Variants in RNF220 observed in about 807,000 individuals in gnomAD.
RNF220 encodes E3 ubiquitin-protein ligase RNF220.
In RNF220, 7 loss-of-function variants were observed where a neutral mutation model predicts 67.1. The observed-to-expected ratio is 0.10, with a 90% CI of 0.06 to 0.20. The LOEUF (loss-of-function observed/expected upper bound fraction) is 0.20. RNF220 is among the 10% of genes least tolerant of loss of function. RNF220 has a pLI of 1.00. For missense variants in RNF220, 565 were observed against 740.3 expected (o/e 0.76, Z 2.75); for synonymous variants, 270 against 283.2 (o/e 0.95, Z 0.47).
chr1:44,474,300 G>A lies in RNF220; in HGVS notation c.625+61578G>A, dbSNP rs376956806. On this transcript the variant is annotated intron_variant, in intron 2 of 14. Transcript: ENST00000361799. ...TGAGGCAGGAGAATCGCTTGAACCC[G>A]GCAGGCGGAGGTTGCAGTAAGCCGA... Among the ~76,000 whole-genome samples, 237 of 151,138 alleles carry A rather than the reference G, an allele frequency of 1.6e-3. 2 individuals are homozygous for A. The highest frequency in any genetic ancestry group is 0.012 in the South Asian group (56 of 4,776).
intron 2 of RNF220, among the ~76,000 whole-genome samples, chr1:44,557,346 T>G (rs1455198740): frequency 6.9e-6 from 1 of 144,286 alleles, no homozygotes; most frequent in African/African-American, 2.6e-5. Context: ...GGCAACATAG[T>G]GAGACCCTGT....
chr1:44,487,950 G>C (rs1430800930), intron 2 of RNF220, among the ~76,000 whole-genome samples: 2 of 139,252 alleles, frequency 1.4e-5, no homozygotes, highest in African/African-American at 5.1e-5. Flanking sequence ...GAGTATCTTA[G>C]AGTGGTAGCC....
At chr1:44,481,729 A>G (rs1464718474) in intron 2 of RNF220, among the ~76,000 whole-genome samples, 1 of 152,196 alleles carries the variant, frequency 6.6e-6, no homozygotes, top group East Asian at 1.9e-4. Flanking sequence ...AGTGGAGAGG[A>G]TGTGGAATCA....
intron 2 of RNF220, among the ~76,000 whole-genome samples, chr1:44,581,896 C>G (rs893883001): frequency 6.6e-6 from 1 of 152,172 alleles, no homozygotes; most frequent in East Asian, 1.9e-4. Context: ...GCCCACTAGC[C>G]AGGTCAATGG....
intron 3 of RNF220, among the ~76,000 whole-genome samples, chr1:44,618,951 A>T (rs1014464143): frequency 7.2e-5 from 11 of 152,118 alleles, no homozygotes; most frequent in Non-Finnish European, 1.5e-4. Context: ...GTGGCAGAGA[A>T]GCAAGTGTCT....
intron 2 of RNF220, among the ~76,000 whole-genome samples, chr1:44,484,432 G>A (rs1176222350): frequency 6.6e-6 from 1 of 152,132 alleles, no homozygotes; most frequent in Admixed American, 6.5e-5. Flanking sequence ...GCAAACTGCC[G>A]CACAGTGGGT....
chr1:44,487,024 A>G (rs1368476328), intron 2 of RNF220, among the ~76,000 whole-genome samples: 1 of 152,214 alleles, frequency 6.6e-6, no homozygotes, highest in East Asian at 1.9e-4. Flanking sequence ...GTTGTGTGTT[A>G]GAATTAGAAG....
chr1:44,584,565 A>G (rs183238270), intron 2 of RNF220, among the ~76,000 whole-genome samples: 1 of 152,302 alleles, frequency 6.6e-6, no homozygotes, highest in East Asian at 1.9e-4. Flanking sequence ...GATGGTGGGG[A>G]AACCCTAGCT....
chr1:44,636,213 TG>T, intron 8 of RNF220, 51 bp downstream of exon 8: 1 of 1,568,702 alleles, frequency 6.4e-7, no homozygotes, highest in East Asian at 2.3e-5. Flanking sequence ...AGGCCTCTGC[TG>T]GGTATCCATC....
chr1:44,507,337 G>A (rs1254298668), intron 2 of RNF220, among the ~76,000 whole-genome samples: 1 of 152,162 alleles, frequency 6.6e-6, no homozygotes, highest in East Asian at 1.9e-4. Flanking sequence ...ACAGGAGGCT[G>A]AGAGGATTTG....
intron 2 of RNF220, among the ~76,000 whole-genome samples, chr1:44,557,743 T>C (rs270765): frequency 0.089 from 13,563 of 152,264 alleles, 824 homozygotes; most frequent in East Asian, 0.26. Flanking sequence ...TCATCCCAAA[T>C]GTGTTCGAGT....
intron 2 of RNF220, among the ~76,000 whole-genome samples, chr1:44,557,564 C>G (rs868456736): frequency 7.4e-6 from 1 of 136,014 alleles, no homozygotes; most frequent in Non-Finnish European, 1.6e-5. Flanking sequence ...CATATTCACT[C>G]GTTCATTCAT....
intron 2 of RNF220, among the ~76,000 whole-genome samples, chr1:44,607,134 A>T (rs1667322818): frequency 6.6e-6 from 1 of 152,206 alleles, no homozygotes; most frequent in Admixed American, 6.5e-5. Flanking sequence ...TCGTCATGCT[A>T]GAGCAAGCCG....
At chr1:44,548,844 A>G (rs1558033092) in intron 2 of RNF220, among the ~76,000 whole-genome samples, 2 of 152,094 alleles carry the variant, frequency 1.3e-5, no homozygotes, top group South Asian at 4.1e-4. Flanking sequence ...CCCTCCAAAC[A>G]TAAGTGGAAA....
rs575342330 is a variant in RNF220, at chr1:44,525,818, C to T, written c.626-88347C>T. ...AGCAGATTCCATGGAAACACAGCCC[C>T]GCCCTCAGTCTGACCATCTCCCACA... On this transcript the variant is annotated intron_variant, in intron 2 of 14. Transcript: ENST00000361799. Among the ~76,000 whole-genome samples the T allele has an allele frequency of 3.3e-5, 5 of 152,274 alleles. No individual in the cohort carries two copies. The South Asian group carries it at 8.3e-4, about 25-fold the overall frequency.
intron 2 of RNF220, among the ~76,000 whole-genome samples, chr1:44,481,652 CTTTGG>C (rs1655824490): frequency 6.6e-6 from 1 of 151,988 alleles, no homozygotes; most frequent in Non-Finnish European, 1.5e-5. Context: ...TATCCCTTTT[CTTTGG>C]TTTGTTTTTC....
chr1:44,478,739 G>A (rs1336849729), intron 2 of RNF220, among the ~76,000 whole-genome samples: 1 of 152,004 alleles, frequency 6.6e-6, no homozygotes, highest in Non-Finnish European at 1.5e-5. Flanking sequence ...AAGAGAGAGA[G>A]AGAAATGAAA....
intron 2 of RNF220, among the ~76,000 whole-genome samples, chr1:44,610,015 C>T (rs941383814): frequency 6.6e-6 from 1 of 152,190 alleles, no homozygotes; most frequent in African/African-American, 2.4e-5. Context: ...CCCCTCCCTG[C>T]CCTCCTCCTG....
intron 2 of RNF220, among the ~76,000 whole-genome samples, chr1:44,532,461 T>C (rs1432010272): frequency 1.3e-5 from 2 of 152,230 alleles, no homozygotes; most frequent in African/African-American, 4.8e-5. Flanking sequence ...CATATGTGTA[T>C]TTTGGCATCT....
Sources: allele counts gnomAD v4.1 joint callset (sites outside exome capture counted in the v4.1 genomes callset), GRCh38; gene constraint gnomAD v4.1.1; transcripts MANE v1.5; gene names NCBI Gene and HGNC (gene_info 2026-07-23, HGNC 2026-07-21).